The following TRPM3 variants were observed in gnomAD, a reference collection of about 807,000 sequenced individuals.
TRPM3 encodes transient receptor potential cation channel subfamily M member 3.
Under a neutral mutation model 181.2 loss-of-function variants are expected in TRPM3, and 77 were observed. That is an observed-to-expected ratio of 0.42 (90% CI 0.35 to 0.51). The LOEUF is 0.51. Ranked by LOEUF, TRPM3 falls within the 20% of genes least tolerant of loss-of-function variation. TRPM3 has a pLI of 0.01. For synonymous variants in TRPM3, 745 were observed against 796.4 expected (o/e 0.94, Z 1.09); for missense variants, 1,759 against 2,196.7 (o/e 0.80, Z 3.98).
intron 1 of TRPM3, among the ~76,000 whole-genome samples, chr9:71,203,956 T>C (rs1248641323): frequency 6.6e-6 from 1 of 152,132 alleles, no homozygotes; most frequent in Non-Finnish European, 1.5e-5. Flanking sequence ...AAAGAAGAAA[T>C]GGGGAAAGGA....
At chr9:71,200,595 T>A (rs938155985) in intron 1 of TRPM3, among the ~76,000 whole-genome samples, 2 of 152,324 alleles carry the variant, frequency 1.3e-5, no homozygotes, top group Admixed American at 1.3e-4. Flanking sequence ...AGTTAGCTCT[T>A]CTTGTTGAAT....
intron 1 of TRPM3, among the ~76,000 whole-genome samples, chr9:71,313,028 C>A (rs1262418711): frequency 6.6e-6 from 1 of 152,042 alleles, no homozygotes; most frequent in Non-Finnish European, 1.5e-5. Flanking sequence ...CAAGAGTGAA[C>A]CCTAATATAA....
At position 70,603,679 on chromosome 9, in the gene TRPM3, G is replaced by A. The variant is rs537870780; in HGVS notation, c.2668-209C>T. Among the ~76,000 whole-genome samples the A allele has an allele frequency of 3.0e-4, 46 of 152,342 alleles. 1 individual carries two copies. The highest frequency in any genetic ancestry group is 1.1e-3 in the African/African-American group (45 of 41,582). ...TAATATGCAATCTTCCTTTTGACCTGTACATGTATCTCTGGGGCTCTGGTG... is the reference window on the plus strand; with the variant it reads ...TAATATGCAATCTTCCTTTTGACCTATACATGTATCTCTGGGGCTCTGGTG... On this transcript the variant is annotated intron_variant, in intron 19 of 25. Coordinates refer to ENST00000677713, the MANE Select transcript of TRPM3 (RefSeq NM_001366145.2).
At chr9:71,319,582 A>G (rs570571935) in intron 1 of TRPM3, among the ~76,000 whole-genome samples, 1 of 152,240 alleles carries the variant, frequency 6.6e-6, no homozygotes, top group East Asian at 1.9e-4. Context: ...TTCAACTGAC[A>G]TTCTCTCTGG....
chr9:70,975,073 TG>T (rs1422665443), intron 1 of TRPM3, among the ~76,000 whole-genome samples: 2 of 152,058 alleles, frequency 1.3e-5, no homozygotes, highest in East Asian at 3.9e-4. Flanking sequence ...TTCAGCATGT[TG>T]GCAAGGCTAG....
At chr9:71,285,662 G>A (rs1396870767) in intron 1 of TRPM3, among the ~76,000 whole-genome samples, 1 of 152,196 alleles carries the variant, frequency 6.6e-6, no homozygotes, top group Non-Finnish European at 1.5e-5. Context: ...GTCCAAGCCA[G>A]CTCAAGTGCT....
chr9:71,013,049 AT>A, intron 1 of TRPM3, among the ~76,000 whole-genome samples: 1 of 152,228 alleles, frequency 6.6e-6, no homozygotes. Flanking sequence ...ATACACGCAT[AT>A]TTGTACAGAT....
At chr9:70,789,368 T>C (rs1291600398) in intron 6 of TRPM3, among the ~76,000 whole-genome samples, 5 of 152,214 alleles carry the variant, frequency 3.3e-5, no homozygotes, top group Non-Finnish European at 7.3e-5. Flanking sequence ...AATTTGTGTC[T>C]CGCTCAGCTA....
intron 1 of TRPM3, among the ~76,000 whole-genome samples, chr9:71,240,357 AATT>A (rs2081591116): frequency 6.6e-6 from 1 of 152,178 alleles, no homozygotes; most frequent in East Asian, 1.9e-4. Context: ...GGAGGGCAAG[AATT>A]ATGCTGTGTT....
chr9:71,324,937 G>A (rs1372048273), intron 1 of TRPM3, among the ~76,000 whole-genome samples: 1 of 152,028 alleles, frequency 6.6e-6, no homozygotes, highest in Admixed American at 6.6e-5. Context: ...ACAGAGACTG[G>A]AAAGGGTGAG....
intron 10 of TRPM3, among the ~76,000 whole-genome samples, chr9:70,639,637 G>T (rs1218264542): frequency 6.6e-6 from 1 of 152,120 alleles, no homozygotes; most frequent in African/African-American, 2.4e-5. Flanking sequence ...CAGACCAAAG[G>T]CCCTAAATCA....
intron 8 of TRPM3, among the ~76,000 whole-genome samples, chr9:70,697,744 G>C: frequency 6.6e-6 from 1 of 152,132 alleles, no homozygotes; most frequent in East Asian, 1.9e-4. Flanking sequence ...TTCAAGAAGA[G>C]TAATTATCAG....
chr9:70,852,156 G>C (rs1387209862), intron 3 of TRPM3, among the ~76,000 whole-genome samples: 3 of 88,054 alleles, frequency 3.4e-5, no homozygotes, highest in African/African-American at 1.4e-4. Flanking sequence ...AAAAAAAAAA[G>C]AGAGAAAAAA....
intron 1 of TRPM3, among the ~76,000 whole-genome samples, chr9:71,284,559 T>C (rs1040427315): frequency 6.6e-6 from 1 of 152,208 alleles, no homozygotes; most frequent in African/African-American, 2.4e-5. Context: ...TTGTTATTCT[T>C]TTAAGTGGTG....
At chr9:70,853,117 CAG>C (rs1264235243) in intron 3 of TRPM3, among the ~76,000 whole-genome samples, 4 of 152,150 alleles carry the variant, frequency 2.6e-5, no homozygotes, top group African/African-American at 9.7e-5. Flanking sequence ...GGAAAGAAAA[CAG>C]AGTTTAGAGA....
rs1480104437 is a variant in TRPM3 at position 71,399,073 on chromosome 9, A to T, written c.183+47580T>A. 4.6e-5 allele frequency among the ~76,000 whole-genome samples: 7 copies of T among 152,230 alleles called. No individual in the cohort carries two copies. In the East Asian group the frequency reaches 1.3e-3, roughly 29 times the overall value. ...TAAGTCAATATTTATCTTCTAAAAA[A>T]ATCAATAAAATGTATTCTGAAAGAT... On this transcript the variant is annotated intron_variant, in intron 1 of 24. Transcript: ENST00000357533.
chr9:70,600,299 C>T (rs568102684), intron 20 of TRPM3, among the ~76,000 whole-genome samples: 1 of 152,312 alleles, frequency 6.6e-6, no homozygotes, highest in Non-Finnish European at 1.5e-5. Context: ...CACCTCAGAA[C>T]CTCTCAAAGG....
chr9:70,852,888 G>A (rs868399917), intron 3 of TRPM3, among the ~76,000 whole-genome samples: 6 of 152,222 alleles, frequency 3.9e-5, no homozygotes, highest in African/African-American at 9.6e-5. Flanking sequence ...TTCATCCAAC[G>A]TGACTTTTCC....
At chr9:71,413,108 G>A (rs987648696) in intron 1 of TRPM3, among the ~76,000 whole-genome samples, 2 of 152,094 alleles carry the variant, frequency 1.3e-5, no homozygotes, top group Non-Finnish European at 2.9e-5. Flanking sequence ...TGGGGTTGGG[G>A]GAGGGGGACG....
Sources: allele counts gnomAD v4.1 joint callset (sites outside exome capture counted in the v4.1 genomes callset), GRCh38; gene constraint gnomAD v4.1.1; transcripts MANE v1.5; gene names NCBI Gene and HGNC (gene_info 2026-07-23, HGNC 2026-07-21).